The following FGF13 variants were observed in gnomAD, a reference collection of about 807,000 sequenced individuals.
FGF13 encodes the protein fibroblast growth factor 13, also known as fibroblast growth factor homologous factor 2.
Under a neutral mutation model 19.5 loss-of-function variants are expected in FGF13, and 2 were observed. The observed-to-expected ratio is 0.10, with a 90% CI of 0.04 to 0.32. The LOEUF (loss-of-function observed/expected upper bound fraction) is 0.32, where lower values mean the gene tolerates loss of function less well. Among genes scored for constraint, FGF13 ranks in the 10% least tolerant of loss-of-function variants. The pLI is 1.00. For missense variants in FGF13, 113 were observed against 192.7 expected (o/e 0.59, Z 2.45); for synonymous variants, 72 against 76.9 (o/e 0.94, Z 0.33).
chrX:138,869,751 T>C (rs1169212716), intron 1 of FGF13, among the ~76,000 whole-genome samples: 5 of 112,288 alleles, frequency 4.5e-5, no homozygotes, highest in Non-Finnish European at 7.5e-5. Flanking sequence ...TGAAATCCAT[T>C]AAACAATTCT....
At chrX:138,851,328 A>G (rs1414710551) in intron 3 of FGF13, among the ~76,000 whole-genome samples, 2 of 111,775 alleles carry the variant, frequency 1.8e-5, no homozygotes, top group African/African-American at 3.3e-5. Context: ...GTCTTCCACA[A>G]TGGTTGAACT....
At chrX:139,128,268 GT>G (rs1413874068) in intron 1 of FGF13, among the ~76,000 whole-genome samples, 1 of 111,031 alleles carries the variant, frequency 9.0e-6, no homozygotes, top group Non-Finnish European at 1.9e-5. Context: ...AAAGCTGTCT[GT>G]TTCCCAGTTC....
At chrX:139,203,112 G>A (rs1306630808) in intron 1 of FGF13, among the ~76,000 whole-genome samples, 1 of 112,084 alleles carries the variant, frequency 8.9e-6, no homozygotes, top group East Asian at 2.9e-4. Context: ...CAAAGGGTGG[G>A]GGGGCGTCCC....
intron 1 of FGF13, among the ~76,000 whole-genome samples, chrX:139,114,938 A>G (rs1202306733): frequency 8.9e-6 from 1 of 111,958 alleles, no homozygotes; most frequent in Non-Finnish European, 1.9e-5. Flanking sequence ...TTTTAGAAAT[A>G]CCTAAAATAC....
chrX:138,675,854 G>A (rs777534200), intron 3 of FGF13, among the ~76,000 whole-genome samples: 1 of 110,963 alleles, frequency 9.0e-6, no homozygotes, highest in African/African-American at 3.3e-5. Context: ...GGGCATAAAC[G>A]TAAGAATCAC....
intron 1 of FGF13, among the ~76,000 whole-genome samples, chrX:139,145,411 T>C (rs1228582139): frequency 8.9e-6 from 1 of 111,759 alleles, no homozygotes; most frequent in East Asian, 2.8e-4. Flanking sequence ...CTTATAAAAT[T>C]GTATATTTTA....
chrX:139,051,217 G>C (rs1053480387), intron 1 of FGF13, among the ~76,000 whole-genome samples: 3 of 111,863 alleles, frequency 2.7e-5, no homozygotes, highest in Non-Finnish European at 3.8e-5. Context: ...TCATCACTGG[G>C]CATGTCTATT....
At chrX:138,904,819 T>C (rs1343636334) in intron 1 of FGF13, among the ~76,000 whole-genome samples, 1 of 111,446 alleles carries the variant, frequency 9.0e-6, no homozygotes, top group East Asian at 2.8e-4. Context: ...GCCTTTTTTC[T>C]TCCTTGACAA....
chrX:138,766,706 C>T (rs745358968), intron 3 of FGF13, among the ~76,000 whole-genome samples: 5 of 111,849 alleles, frequency 4.5e-5, no homozygotes, highest in Non-Finnish European at 7.5e-5. Context: ...CTAATTAATG[C>T]TAACGATAGA....
intron 3 of FGF13, among the ~76,000 whole-genome samples, chrX:138,747,847 G>C (rs909611500): frequency 2.7e-5 from 3 of 111,436 alleles, no homozygotes; most frequent in African/African-American, 9.8e-5. Context: ...TCTAGGCAAG[G>C]GTTCTTTGAG....
intron 3 of FGF13, among the ~76,000 whole-genome samples, chrX:138,688,823 C>T (rs906996094): frequency 1.8e-5 from 2 of 111,731 alleles, no homozygotes; most frequent in African/African-American, 6.5e-5. Flanking sequence ...TAGAAAAATG[C>T]TAAATGAACA....
At chrX:139,031,504 A>G (rs143626426) in intron 1 of FGF13, among the ~76,000 whole-genome samples, 3,408 of 111,170 alleles carry the variant, frequency 0.031, 140 homozygotes, top group African/African-American at 0.1. Flanking sequence ...AGGTCATTAT[A>G]AAGTAGGCAA....
intron 1 of FGF13, among the ~76,000 whole-genome samples, chrX:138,738,421 A>C (rs1400316407): frequency 8.9e-6 from 1 of 111,940 alleles, no homozygotes; most frequent in Admixed American, 9.4e-5. Flanking sequence ...TGGCAAAACC[A>C]TTTTTTTATT....
chrX:138,865,462 T>TCTCTCTCTCTCTC (rs2091315826), intron 1 of FGF13, among the ~76,000 whole-genome samples: 3 of 92,130 alleles, frequency 3.3e-5, no homozygotes, highest in Non-Finnish European at 6.0e-5. Flanking sequence ...TCTCTCTCTC[T>TCTCTCTCTCTCTC]CTCTCTCTCT....
At chrX:138,691,375 T>A (rs2089837064) in intron 3 of FGF13, among the ~76,000 whole-genome samples, 1 of 112,171 alleles carries the variant, frequency 8.9e-6, no homozygotes, top group Non-Finnish European at 1.9e-5. Context: ...GCTGATTTTG[T>A]GGCCAGGATA....
intron 1 of FGF13, among the ~76,000 whole-genome samples, chrX:138,968,835 C>CA (rs1327685348): frequency 9.0e-6 from 1 of 111,503 alleles, no homozygotes; most frequent in Non-Finnish European, 1.9e-5. Context: ...TATGTAAAGA[C>CA]AAAAAAGTTG....
chrX:139,169,410 C>G (rs1376597429), intron 1 of FGF13, among the ~76,000 whole-genome samples: 2 of 111,015 alleles, frequency 1.8e-5, no homozygotes, highest in East Asian at 5.7e-4. Flanking sequence ...GTACAATGGC[C>G]CTGTCTCCAG....
intron 1 of FGF13, among the ~76,000 whole-genome samples, chrX:139,194,808 C>T (rs1317191551): frequency 8.9e-6 from 1 of 111,843 alleles, no homozygotes; most frequent in African/African-American, 3.3e-5. Flanking sequence ...TGCACCGGAG[C>T]GCGCAGTATC....
chrX:138,782,386 G>A (rs1171710503), intron 3 of FGF13, among the ~76,000 whole-genome samples: 6 of 111,276 alleles, frequency 5.4e-5, no homozygotes, highest in Non-Finnish European at 1.1e-4. Context: ...CCTGTTTGCA[G>A]ATGACATGAT....
Sources: gnomAD v4.1 joint callset for allele counts (sites outside exome capture counted in the v4.1 genomes callset) on GRCh38, gnomAD v4.1.1 for gene constraint, MANE v1.5 for transcripts, NCBI Gene and HGNC (gene_info 2026-07-23, HGNC 2026-07-21) for gene names.